Variants in NHSL1 observed in about 807,000 individuals in gnomAD.
NHSL1 encodes NHS-like protein 1.
In NHSL1, 48 loss-of-function variants were observed where a neutral mutation model predicts 95.0. The observed-to-expected ratio is 0.51, with a 90% CI of 0.40 to 0.64. NHSL1 has a LOEUF of 0.64. NHSL1 is among the 30% of genes least tolerant of loss of function. NHSL1 has a pLI of 0.00. For missense variants in NHSL1, 1,971 were observed against 2,077.7 expected (o/e 0.95, Z 1.00); for synonymous variants, 783 against 833.9 (o/e 0.94, Z 1.05).
chr6:138,643,937 G>A (rs1368471778), intron 1 of NHSL1, among the ~76,000 whole-genome samples: 1 of 151,612 alleles, frequency 6.6e-6, no homozygotes, highest in Non-Finnish European at 1.5e-5. Flanking sequence ...GGCGGAGGCT[G>A]CTGTGAGCCC....
chr6:138,543,450 AAAGAAACAGTCT>A (rs1471233504), intron 1 of NHSL1, among the ~76,000 whole-genome samples: 7 of 152,256 alleles, frequency 4.6e-5, no homozygotes, highest in Non-Finnish European at 8.8e-5. Context: ...TGGCTTCAGA[AAAGAAACAGTCT>A]AAGTAGAGAA....
At chr6:138,594,608 C>T (rs6570245) in intron 1 of NHSL1, among the ~76,000 whole-genome samples, 71,486 of 151,718 alleles carry the variant, frequency 0.47, 19,141 homozygotes, top group African/African-American at 0.73. Flanking sequence ...ACAATACGAT[C>T]CCCAATAAGC....
chr6:138,441,987 C>G lies in NHSL1; in HGVS notation c.660G>C (p.Glu220Asp), dbSNP rs1389087302. Residue 220 changes from glutamate (E) to aspartate (D), a missense_variant, in exon 5 of 8, where the codon GAG becomes GAC. Around this residue, in one of 3 missense-constraint regions of NHSL1, gnomAD observed 1,602 missense variants for 1,654.5 expected, o/e 0.97. Coordinates refer to ENST00000343505, the MANE Select transcript of NHSL1 (RefSeq NM_001144060.2). Reference protein sequence around the residue: ...ITGVPDNIQKELASGTGQDDA... With the variant: ...ITGVPDNIQKDLASGTGQDDA... The stretch of plus-strand genomic sequence containing the variant: ...TACAGTTCTGATGAGCCATACCTAG[C>G]TCCTTCTGTATGTTGTCAGGGACTC... 9 of 1,550,408 alleles carry G rather than the reference C, an allele frequency of 5.8e-6. No homozygotes were observed. The highest frequency in any genetic ancestry group is 7.0e-6 in the Non-Finnish European group (8 of 1,146,492).
chr6:138,663,694 A>G (rs1276659286), intron 1 of NHSL1, among the ~76,000 whole-genome samples: 1 of 152,114 alleles, frequency 6.6e-6, no homozygotes, highest in Non-Finnish European at 1.5e-5. Context: ...ACATGGTGAA[A>G]CCCCATCTCT....
intron 1 of NHSL1, among the ~76,000 whole-genome samples, chr6:138,688,013 G>A (rs868369755): frequency 3.3e-5 from 5 of 152,146 alleles, no homozygotes; most frequent in South Asian, 4.1e-4. Context: ...GTGCAGTGGC[G>A]CCATCTCGGG....
Position 138,598,627 on chromosome 6 carries a change from GAAAAAAAA to G in NHSL1, c.96+93841_96+93848del, listed in dbSNP as rs35482505. ...CAACAAAGCAAGACTTCATCTGGAA[GAAAAAAAA>G]AAAAAAAAAAAAGCAGCATTTTTCT... On this transcript the variant is annotated intron_variant, in intron 1 of 3. Transcript: ENST00000491526. Among the ~76,000 whole-genome samples the G allele has an allele frequency of 3.1e-4, 27 of 86,854 alleles. 1 individual carries two copies. The highest frequency in any genetic ancestry group is 2.4e-3 in the Admixed American group (19 of 7,828). The allele number at this position is 86,854 out of a possible 152,430, so 57.0% of individuals were successfully genotyped here.
chr6:138,669,567 C>A (rs191531177), intron 1 of NHSL1, among the ~76,000 whole-genome samples: 1 of 152,274 alleles, frequency 6.6e-6, no homozygotes, highest in Admixed American at 6.5e-5. Context: ...TTCCTAGCCA[C>A]GAGTGGCCAC....
intron 3 of NHSL1, among the ~76,000 whole-genome samples, chr6:138,467,164 T>C (rs1238393412): frequency 6.6e-6 from 1 of 151,746 alleles, no homozygotes; most frequent in Non-Finnish European, 1.5e-5. Flanking sequence ...TATATATATA[T>C]ATTTTTTTGA....
chr6:138,429,824 G>A lies in NHSL1; in HGVS notation c.3972C>T (p.Asn1324=), dbSNP rs753649009. ...QDGAAGVPET[N]AAGSSSEACD... The stretch of plus-strand genomic sequence containing the variant: ...AGGCCTCTGAGGATGAACCGGCTGC[G>A]TTGGTCTCCGGCACCCCAGCTACAG... Residue 1324 remains asparagine (N), a synonymous_variant, in exon 7 of 8, where the codon AAC becomes AAT. Transcript: ENST00000343505. The A allele has an allele frequency of 2.1e-5, 32 of 1,551,346 alleles. No homozygotes were observed. Among genetic ancestry groups the A allele is most frequent in the Middle Eastern group, 1.7e-4 (1 of 6,000 alleles).
rs1220494206 is a variant in NHSL1 at position 138,499,381 on chromosome 6, G to A, written c.-91C>T. On this transcript the variant is annotated 5_prime_UTR_variant, in exon 1 of 8. Transcript: ENST00000343505. Reference sequence around the variant, plus strand: ...TGGCAAGCTTCGTCCTTCTGCTACAGATTCTAACTTTTTCTTCCCCCGGTC... The same window carrying A: ...TGGCAAGCTTCGTCCTTCTGCTACAAATTCTAACTTTTTCTTCCCCCGGTC... 8.6e-6 allele frequency: 13 copies of A among 1,516,274 alleles called. No homozygotes were observed. Among genetic ancestry groups the A allele is most frequent in the Non-Finnish European group, 1.2e-5 (13 of 1,129,338 alleles). The allele number at this position is 1,516,274 out of a possible 1,614,324, so 93.9% of individuals were successfully genotyped here. A position where few individuals can be genotyped will look rare whatever the true frequency, so the allele number is the denominator to read the frequency against.
chr6:138,643,875 G>A lies in NHSL1; in HGVS notation c.96+48601C>T, dbSNP rs113889681. ...TAGCTGGGCATGGTGACGGGTGCCT[G>A]TAATCCTAGCTACCCAGGAGGCTGA... On this transcript the variant is annotated intron_variant, in intron 1 of 3. Coordinates refer to the NHSL1 transcript ENST00000491526. 4.4e-3 allele frequency among the ~76,000 whole-genome samples: 667 copies of A among 152,102 alleles called. 15 individuals are homozygous for A. Among genetic ancestry groups the A allele is most frequent in the African/African-American group, 0.015 (633 of 41,510 alleles).
upstream of NHSL1, among the ~76,000 whole-genome samples, chr6:138,574,555 G>A (rs564394638): frequency 1.3e-5 from 2 of 152,002 alleles, no homozygotes; most frequent in South Asian, 2.1e-4. Flanking sequence ...GGCTGGGCAC[G>A]GTGGCTTACG....
intron 3 of NHSL1, among the ~76,000 whole-genome samples, chr6:138,460,817 C>G (rs539330690): frequency 1.3e-5 from 2 of 151,220 alleles, no homozygotes; most frequent in African/African-American, 4.9e-5. Context: ...CCTCTGTGAG[C>G]GCACCTCAGC....
chr6:138,684,626 C>T (rs746183127), intron 1 of NHSL1, among the ~76,000 whole-genome samples: 20 of 151,440 alleles, frequency 1.3e-4, no homozygotes, highest in Non-Finnish European at 2.6e-4. Context: ...GCCTGGGCAA[C>T]AGAGTGAGAC....
chr6:138,662,123 T>A (rs1022272377), intron 1 of NHSL1, among the ~76,000 whole-genome samples: 7 of 149,052 alleles, frequency 4.7e-5, no homozygotes, highest in African/African-American at 1.7e-4. Context: ...ACAGATTTAA[T>A]TCTAGAGTAA....
At chr6:138,447,260 T>A in intron 3 of NHSL1, 67 bp from the exon 4 acceptor site, 10 of 1,315,926 alleles carry the variant, frequency 7.6e-6, no homozygotes, top group Non-Finnish European at 1.0e-5. Flanking sequence ...TAAAATATAT[T>A]TCTTATTTTT....
At chr6:138,571,012 T>C (rs996869962) in intron 1 of NHSL1, among the ~76,000 whole-genome samples, 1 of 152,216 alleles carries the variant, frequency 6.6e-6, no homozygotes, top group Non-Finnish European at 1.5e-5. Context: ...TATCGAACTG[T>C]TTCCCTCTCT....
chr6:138,657,140 A>G (rs1181851749), intron 1 of NHSL1, among the ~76,000 whole-genome samples: 1 of 152,106 alleles, frequency 6.6e-6, no homozygotes, highest in Non-Finnish European at 1.5e-5. Flanking sequence ...TGGGGTAAAC[A>G]GACATTTTTT....
chr6:138,526,310 C>T (rs1016273182), intron 1 of NHSL1, among the ~76,000 whole-genome samples: 2 of 151,932 alleles, frequency 1.3e-5, no homozygotes, highest in African/African-American at 4.8e-5. Context: ...TGGCAAACCT[C>T]TGTCTCTAAA....
Sources: allele counts gnomAD v4.1 joint callset (sites outside exome capture counted in the v4.1 genomes callset), GRCh38; gene constraint gnomAD v4.1.1; regional missense constraint gnomAD v4.1.1; transcripts MANE v1.5; gene names NCBI Gene and HGNC (gene_info 2026-07-23, HGNC 2026-07-21).